The following IL1RAPL2 variants were observed in gnomAD, a reference collection of about 807,000 sequenced individuals.
The protein encoded by IL1RAPL2 is interleukin 1 receptor accessory protein like 2, also known as X-linked interleukin-1 receptor accessory protein-like 2.
A neutral mutation model predicts 44.1 loss-of-function variants in IL1RAPL2; 3 were observed. The ratio of observed to expected loss-of-function variants is 0.07; its 90% CI spans 0.03 to 0.18. The LOEUF is 0.18. Among genes scored for constraint, IL1RAPL2 ranks in the 10% least tolerant of loss-of-function variants. The pLI, the probability that IL1RAPL2 is intolerant of heterozygous loss-of-function variation, is 1.00. For synonymous variants in IL1RAPL2, 181 were observed against 178.8 expected (o/e 1.01, Z -0.10); for missense variants, 391 against 496.4 (o/e 0.79, Z 2.02).
At chrX:105,749,684 TTTTC>T (rs1329426233) in intron 9 of IL1RAPL2, among the ~76,000 whole-genome samples, 3 of 112,239 alleles carry the variant, frequency 2.7e-5, no homozygotes, top group African/African-American at 9.7e-5. Context: ...TAGCTCATAA[TTTTC>T]TTATATTTGC....
At chrX:105,426,165 CATTG>C (rs760141592) in intron 5 of IL1RAPL2, among the ~76,000 whole-genome samples, 114 of 110,072 alleles carry the variant, frequency 1.0e-3, no homozygotes, top group African/African-American at 3.6e-3. Context: ...ACTCAATAAA[CATTG>C]ATTGATTGAT....
At chrX:105,152,123 C>A (rs1210789936) in intron 2 of IL1RAPL2, among the ~76,000 whole-genome samples, 1 of 110,745 alleles carries the variant, frequency 9.0e-6, no homozygotes, top group East Asian at 2.8e-4. Flanking sequence ...AACCAAACAC[C>A]ACCTGTACCC....
At chrX:105,104,793 A>G (rs1358374671) in intron 2 of IL1RAPL2, among the ~76,000 whole-genome samples, 1 of 112,354 alleles carries the variant, frequency 8.9e-6, no homozygotes, top group Non-Finnish European at 1.9e-5. Context: ...GGGAAAAAAT[A>G]CAGTAATAAA....
At chrX:104,909,349 A>T (rs1415686810) in intron 2 of IL1RAPL2, among the ~76,000 whole-genome samples, 21 of 107,291 alleles carry the variant, frequency 2.0e-4, no homozygotes, top group African/African-American at 2.4e-4. Flanking sequence ...CAGCTCGTCA[A>T]AGTCATTCTC....
chrX:104,670,326 G>C (rs1245474914), intron 2 of IL1RAPL2, among the ~76,000 whole-genome samples: 1 of 111,684 alleles, frequency 9.0e-6, no homozygotes, highest in Non-Finnish European at 1.9e-5. Flanking sequence ...AAGGGAAAAA[G>C]ATGAAAGCCA....
chrX:105,305,424 A>G (rs2034728186), intron 5 of IL1RAPL2, among the ~76,000 whole-genome samples: 1 of 111,122 alleles, frequency 9.0e-6, no homozygotes, highest in Non-Finnish European at 1.9e-5. Flanking sequence ...TTTCATCTTT[A>G]AAATATCTTT....
At chrX:105,491,226 T>A (rs1001647482) in intron 6 of IL1RAPL2, among the ~76,000 whole-genome samples, 59 of 111,209 alleles carry the variant, frequency 5.3e-4, no homozygotes, top group Non-Finnish European at 8.7e-4. Context: ...TTTTTTTTTA[T>A]ACTTTAAGAA....
At chrX:105,439,744 A>C (rs1303944009) in intron 5 of IL1RAPL2, among the ~76,000 whole-genome samples, 1 of 111,852 alleles carries the variant, frequency 8.9e-6, no homozygotes, top group African/African-American at 3.2e-5. Context: ...ATGTCTGGAA[A>C]GGAGCCAGGC....
At chrX:104,859,222 A>G (rs1357768924) in intron 2 of IL1RAPL2, among the ~76,000 whole-genome samples, 1 of 111,632 alleles carries the variant, frequency 9.0e-6, no homozygotes, top group Non-Finnish European at 1.9e-5. Flanking sequence ...ATGGCCATTT[A>G]TCTACCTATG....
chrX:105,501,240 C>A (rs1431421757), intron 6 of IL1RAPL2, among the ~76,000 whole-genome samples: 1 of 111,788 alleles, frequency 8.9e-6, no homozygotes. Context: ...ACTTCCTTCA[C>A]TGCAGCCCTC....
At chrX:104,723,225 T>C (rs1931719355) in intron 2 of IL1RAPL2, among the ~76,000 whole-genome samples, 1 of 111,753 alleles carries the variant, frequency 8.9e-6, no homozygotes, top group South Asian at 3.7e-4. Context: ...CAATGGAGCA[T>C]AAGAACAAAG....
intron 2 of IL1RAPL2, among the ~76,000 whole-genome samples, chrX:105,148,700 A>C (rs1303508511): frequency 2.7e-5 from 3 of 111,820 alleles, no homozygotes; most frequent in African/African-American, 9.8e-5. Context: ...GAAAATTATC[A>C]TAGGTCTTGC....
At chrX:105,741,153 C>T (rs2038496904) in intron 8 of IL1RAPL2, among the ~76,000 whole-genome samples, 1 of 111,244 alleles carries the variant, frequency 9.0e-6, no homozygotes, top group Non-Finnish European at 1.9e-5. Flanking sequence ...AATTATAAAC[C>T]ATATTTTATG....
intron 2 of IL1RAPL2, among the ~76,000 whole-genome samples, chrX:104,696,542 A>G (rs1448348295): frequency 8.9e-6 from 1 of 112,289 alleles, no homozygotes; most frequent in African/African-American, 3.2e-5. Context: ...ATTTACAAAT[A>G]CTGTTAGCCA....
intron 3 of IL1RAPL2, chrX:105,219,772 G>A: frequency 8.4e-6 from 10 of 1,193,401 alleles, no homozygotes; most frequent in Non-Finnish European, 1.1e-5. Flanking sequence ...GAGAGAAGTG[G>A]GCAGGGCTGA....
chrX:104,877,337 G>C (rs1922934826), intron 2 of IL1RAPL2, among the ~76,000 whole-genome samples: 1 of 110,858 alleles, frequency 9.0e-6, no homozygotes. Context: ...CTAGTTTACA[G>C]TCCCACCAAC....
chrX:105,486,383 G>A (rs1476666026), intron 6 of IL1RAPL2, among the ~76,000 whole-genome samples: 5 of 112,007 alleles, frequency 4.5e-5, no homozygotes, highest in African/African-American at 1.3e-4. Context: ...AAAACAAAAA[G>A]AAATTAATAA....
intron 2 of IL1RAPL2, among the ~76,000 whole-genome samples, chrX:105,035,444 A>G (rs1359238689): frequency 1.8e-5 from 2 of 112,408 alleles, no homozygotes; most frequent in East Asian, 2.8e-4. Context: ...TCTGTGACAC[A>G]TCTAATTATT....
chrX:105,528,954 CTTTTA>C (rs2036613007), intron 6 of IL1RAPL2, among the ~76,000 whole-genome samples: 1 of 111,061 alleles, frequency 9.0e-6, no homozygotes, highest in African/African-American at 3.3e-5. Flanking sequence ...TTTCCAAGCC[CTTTTA>C]TTTTATTTGT....
Sources: allele counts gnomAD v4.1 joint callset (sites outside exome capture counted in the v4.1 genomes callset), GRCh38; gene constraint gnomAD v4.1.1; transcripts MANE v1.5; gene names NCBI Gene and HGNC (gene_info 2026-07-23, HGNC 2026-07-21).